The following ROBO1 variants were observed in gnomAD, a reference collection of about 807,000 sequenced individuals.
The protein encoded by ROBO1 is roundabout homolog 1.
ROBO1 carries 149 observed loss-of-function variants against 195.9 expected under a neutral mutation model. The ratio of observed to expected loss-of-function variants is 0.76; its 90% confidence interval spans 0.67 to 0.87. The LOEUF (loss-of-function observed/expected upper bound fraction) is 0.87, where lower values mean the gene tolerates loss of function less well. Ranked by LOEUF, ROBO1 falls within the 40% of genes least tolerant of loss-of-function variation. The pLI is 0.00. For missense variants in ROBO1, 1,933 were observed against 2,068.3 expected (o/e 0.93, Z 1.27); for synonymous variants, 816 against 733.2 (o/e 1.11, Z -1.82).
intron 4 of ROBO1, among the ~76,000 whole-genome samples, chr3:78,794,184 T>C (rs1302416510): frequency 6.6e-6 from 1 of 152,204 alleles, no homozygotes; most frequent in Non-Finnish European, 1.5e-5. Context: ...CTGGCTCTTA[T>C]CTGAGCTAGC....
intron 3 of ROBO1, among the ~76,000 whole-genome samples, chr3:78,965,833 T>G (rs746631273): frequency 1.3e-5 from 2 of 152,234 alleles, no homozygotes; most frequent in Non-Finnish European, 2.9e-5. Flanking sequence ...TATAACTTTC[T>G]GCAATGATGA....
intron 1 of ROBO1, among the ~76,000 whole-genome samples, chr3:79,603,664 C>A (rs1266013318): frequency 1.3e-5 from 2 of 151,924 alleles, no homozygotes; most frequent in Non-Finnish European, 2.9e-5. Flanking sequence ...ATGCTCAGAC[C>A]TGTCTGTGCT....
At chr3:79,410,081 T>C (rs2037704786) in intron 2 of ROBO1, among the ~76,000 whole-genome samples, 1 of 152,154 alleles carries the variant, frequency 6.6e-6, no homozygotes, top group Non-Finnish European at 1.5e-5. Flanking sequence ...GAATTAGAAG[T>C]CTAAAAACTT....
intron 4 of ROBO1, among the ~76,000 whole-genome samples, chr3:78,922,500 G>A (rs573913400): frequency 1.3e-5 from 2 of 151,960 alleles, no homozygotes; most frequent in Non-Finnish European, 2.9e-5. Context: ...CTAATTTAAA[G>A]TCCTCTCCCT....
At chr3:78,646,306 G>T in intron 20 of ROBO1, 116 bp from the exon 21 acceptor site, 1 of 828,190 alleles carries the variant, frequency 1.2e-6, no homozygotes, top group Non-Finnish European at 1.9e-6. Context: ...CTAGACAGAA[G>T]CATTGCAAAA....
chr3:78,830,068 T>A (rs2032014594), intron 4 of ROBO1, among the ~76,000 whole-genome samples: 1 of 152,108 alleles, frequency 6.6e-6, no homozygotes, highest in Admixed American at 6.5e-5. Flanking sequence ...ATTTGTATAA[T>A]CATCATCCAA....
At chr3:79,096,695 CAT>C (rs2079574084) in intron 3 of ROBO1, among the ~76,000 whole-genome samples, 1 of 149,722 alleles carries the variant, frequency 6.7e-6, no homozygotes, top group Non-Finnish European at 1.5e-5. Flanking sequence ...TACGTACACA[CAT>C]ATTTATATAT....
chr3:78,728,511 A>G (rs1262248876), intron 5 of ROBO1, among the ~76,000 whole-genome samples: 1 of 152,074 alleles, frequency 6.6e-6, no homozygotes, highest in Admixed American at 6.5e-5. Context: ...AAAAGTACCT[A>G]GATTTTACAA....
intron 3 of ROBO1, among the ~76,000 whole-genome samples, chr3:79,115,855 T>C (rs1009551566): frequency 1.3e-5 from 2 of 152,186 alleles, no homozygotes; most frequent in Admixed American, 1.3e-4. Context: ...CATTGTTCTA[T>C]ATGTGGTTAT....
chr3:78,689,228 T>C (rs934583589), intron 8 of ROBO1, among the ~76,000 whole-genome samples: 1 of 152,164 alleles, frequency 6.6e-6, no homozygotes, highest in Non-Finnish European at 1.5e-5. Flanking sequence ...CCATTTAAAA[T>C]CTTCAGTCCA....
chr3:78,746,692 T>TA, intron 5 of ROBO1, 51 bp downstream of exon 5: 1 of 1,325,908 alleles, frequency 7.5e-7, no homozygotes, highest in Non-Finnish European at 9.8e-7. Flanking sequence ...TTGGTAAAGA[T>TA]ACACACAGTT....
intron 3 of ROBO1, among the ~76,000 whole-genome samples, chr3:79,095,555 C>G (rs1007326914): frequency 1.3e-5 from 2 of 152,052 alleles, no homozygotes; most frequent in Non-Finnish European, 1.5e-5. Context: ...GACTTTTTTA[C>G]TGCAATCTCA....
intron 2 of ROBO1, among the ~76,000 whole-genome samples, chr3:79,283,377 G>A (rs370923814): frequency 1.3e-5 from 2 of 152,158 alleles, no homozygotes; most frequent in African/African-American, 4.8e-5. Flanking sequence ...TAAAATAAAA[G>A]TGGAAATTAT....
At chr3:78,694,692 T>G (rs2081247496) in intron 8 of ROBO1, among the ~76,000 whole-genome samples, 1 of 152,190 alleles carries the variant, frequency 6.6e-6, no homozygotes, top group Non-Finnish European at 1.5e-5. Flanking sequence ...CGTGGTTACA[T>G]TTCTTGACAC....
At chr3:79,126,454 A>G (rs1382397581) in intron 2 of ROBO1, among the ~76,000 whole-genome samples, 4 of 152,292 alleles carry the variant, frequency 2.6e-5, no homozygotes, top group East Asian at 3.9e-4. Context: ...ATAGAAGCTC[A>G]ATGACACTAC....
intron 1 of ROBO1, among the ~76,000 whole-genome samples, chr3:79,753,196 C>G (rs191393930): frequency 1.3e-5 from 2 of 151,974 alleles, no homozygotes; most frequent in Non-Finnish European, 2.9e-5. Context: ...CTTATTCAAA[C>G]CACCTAAATT....
chr3:79,299,457 T>A (rs2032772319), intron 2 of ROBO1, among the ~76,000 whole-genome samples: 1 of 152,202 alleles, frequency 6.6e-6, no homozygotes, highest in Non-Finnish European at 1.5e-5. Context: ...AGGTGGCTAG[T>A]GTCATTTTCG....
At chr3:79,611,252 T>C (rs1944647367) in intron 1 of ROBO1, among the ~76,000 whole-genome samples, 1 of 152,076 alleles carries the variant, frequency 6.6e-6, no homozygotes, top group Non-Finnish European at 1.5e-5. Context: ...TTTATGATAA[T>C]ATCATTTGAA....
At chr3:78,737,755 G>A (rs1382546827) in intron 5 of ROBO1, among the ~76,000 whole-genome samples, 1 of 152,042 alleles carries the variant, frequency 6.6e-6, no homozygotes, top group Admixed American at 6.6e-5. Flanking sequence ...CCAATGACTG[G>A]TACAATAAAG....
Sources: gnomAD v4.1 joint callset for allele counts (sites outside exome capture counted in the v4.1 genomes callset) on GRCh38, gnomAD v4.1.1 for gene constraint, MANE v1.5 for transcripts, NCBI Gene and HGNC (gene_info 2026-07-23, HGNC 2026-07-21) for gene names.